PCCA: variants seen among roughly 807,000 people sequenced by gnomAD.
PCCA encodes the protein propionyl-CoA carboxylase alpha chain, mitochondrial.
PCCA carries 74 observed loss-of-function variants against 101.3 expected under a neutral mutation model. That is an observed-to-expected ratio of 0.73 (90% CI 0.61 to 0.89). PCCA has a LOEUF of 0.89. Among genes scored for constraint, PCCA ranks in the 40% least tolerant of loss-of-function variants. The pLI, the probability that PCCA is intolerant of heterozygous loss-of-function variation, is 0.00. For synonymous variants in PCCA, 294 were observed against 313.6 expected, an observed-to-expected ratio of 0.94 and a Z score of 0.66; for missense variants, 891 against 907.0, an observed-to-expected ratio of 0.98 and a Z score of 0.23.
chr13:100,309,758 T>G (rs1476211358), intron 15 of PCCA, 75 bp from the exon 16 acceptor site: 12 of 988,710 alleles, frequency 1.2e-5, no homozygotes, highest in Non-Finnish European at 1.7e-5. Context: ...AATATTTTAA[T>G]TTTTACTAAA....
chr13:100,389,493 G>A (rs1263821537), intron 19 of PCCA, among the ~76,000 whole-genome samples: 1 of 152,080 alleles, frequency 6.6e-6, no homozygotes, highest in Non-Finnish European at 1.5e-5. Context: ...AAAGGGTGGA[G>A]GGAGAAGATC....
At chr13:100,170,295 G>A (rs181723505) in intron 6 of PCCA, among the ~76,000 whole-genome samples, 10 of 152,270 alleles carry the variant, frequency 6.6e-5, no homozygotes, top group East Asian at 5.8e-4. Context: ...TACATTGCTC[G>A]AGGATTTTTT....
In PCCA at chr13:100,524,786, C is replaced by T. The variant is rs185876259; in HGVS notation, c.2041-2889C>T. Among the ~76,000 whole-genome samples the T allele has an allele frequency of 1.8e-4, 27 of 152,194 alleles. No individual in the cohort carries two copies. In the East Asian group the frequency reaches 2.9e-3, roughly 16 times the overall value. On this transcript the variant is annotated intron_variant, in intron 22 of 23. Transcript: ENST00000376285. ...ACTCAGGAGGCTGAGGCAGAAGAAT[C>T]GCTTGAACTTGGGAGGTAGAGGTTG...
At chr13:100,102,994 T>C (rs2047413591) in intron 2 of PCCA, 34 bp downstream of exon 2, 2 of 1,352,250 alleles carry the variant, frequency 1.5e-6, no homozygotes, top group Non-Finnish European at 2.1e-6. Context: ...AACAACTAAA[T>C]TAAACTTATC....
At chr13:100,402,800 T>G (rs553695232) in intron 19 of PCCA, among the ~76,000 whole-genome samples, 43 of 152,218 alleles carry the variant, frequency 2.8e-4, no homozygotes, top group African/African-American at 1.0e-3. Flanking sequence ...AGAATAGGTG[T>G]CAGGTCATGG....
intron 6 of PCCA, among the ~76,000 whole-genome samples, chr13:100,201,180 T>C (rs1337909579): frequency 6.6e-6 from 1 of 152,226 alleles, no homozygotes; most frequent in Admixed American, 6.5e-5. Flanking sequence ...ATGTGGCTGT[T>C]ATCTATAAGG....
chr13:100,102,923 G>A lies in PCCA; in HGVS notation c.146G>A (p.Arg49His), dbSNP rs570674073. 1.6e-5 allele frequency: 25 copies of A among 1,611,066 alleles called. No homozygotes were observed. Among genetic ancestry groups the A allele is most frequent in the Admixed American group, 3.3e-5 (2 of 59,998 alleles). Residue 49 changes from arginine (R) to histidine (H), a missense_variant, in exon 2 of 24, where the codon CGT (arginine) becomes CAT (histidine). Arg to His is a conservative substitution (Grantham distance 29). Transcript: ENST00000376285. ...YYSRQCLMVS[R>H]NLGSVGYDPN... ...TCAAGACAGTGCTTAATGGTGTCCCGTAATCTTGGTTCAGTGGGATATGAT... is the reference window on the plus strand; with the variant it reads ...TCAAGACAGTGCTTAATGGTGTCCCATAATCTTGGTTCAGTGGGATATGAT...
chr13:100,097,928 G>A (rs2046923005), intron 1 of PCCA, among the ~76,000 whole-genome samples: 1 of 152,128 alleles, frequency 6.6e-6, no homozygotes, highest in Non-Finnish European at 1.5e-5. Context: ...GGAGGCTGAG[G>A]TGGGAGGATT....
intron 21 of PCCA, among the ~76,000 whole-genome samples, chr13:100,451,015 C>G (rs978059674): frequency 3.3e-5 from 5 of 152,168 alleles, no homozygotes; most frequent in African/African-American, 1.2e-4. Flanking sequence ...CTTGGCAAGA[C>G]TAAAATCTGC....
intron 18 of PCCA, among the ~76,000 whole-genome samples, chr13:100,357,644 T>A (rs1195074716): frequency 6.6e-6 from 1 of 152,244 alleles, no homozygotes; most frequent in Non-Finnish European, 1.5e-5. Context: ...AAAGCACAAC[T>A]ATTTGAAGGC....
chr13:100,171,425 T>C (rs577356092), intron 6 of PCCA, among the ~76,000 whole-genome samples: 1 of 152,292 alleles, frequency 6.6e-6, no homozygotes, highest in Admixed American at 6.5e-5. Flanking sequence ...GAGTGTGGCC[T>C]TTAAGCTGAG....
intron 7 of PCCA, among the ~76,000 whole-genome samples, chr13:100,217,455 A>G (rs2059583169): frequency 2.0e-5 from 3 of 152,070 alleles, no homozygotes; most frequent in African/African-American, 7.2e-5. Context: ...AAAAAAAAAA[A>G]ATTAAATAGA....
In PCCA at chr13:100,320,009, T is replaced by C. The variant is rs1473447941; in HGVS notation, c.1429+10101T>C. Reference sequence around the variant, plus strand: ...TTGTGTCTTTTATTTTGTTGAGCAGTGTTTTGTAGTTCTGTTTGAAGAGAT... The same window carrying C: ...TTGTGTCTTTTATTTTGTTGAGCAGCGTTTTGTAGTTCTGTTTGAAGAGAT... On this transcript the variant is annotated intron_variant, in intron 16 of 23. Coordinates refer to ENST00000376285, the MANE Select transcript of PCCA (RefSeq NM_000282.4). Among the ~76,000 whole-genome samples the C allele has an allele frequency of 2.6e-5, 4 of 152,214 alleles. No homozygotes were observed. In the East Asian group the frequency reaches 7.7e-4, roughly 29 times the overall value.
intron 4 of PCCA, among the ~76,000 whole-genome samples, chr13:100,128,198 T>G (rs183849627): frequency 6.6e-6 from 1 of 152,188 alleles, no homozygotes; most frequent in Non-Finnish European, 1.5e-5. Flanking sequence ...GTAGTGGAGC[T>G]GAGATTCAAA....
chr13:100,273,220 A>G lies in PCCA; in HGVS notation c.939A>G (p.Arg313=). Residue 313 remains arginine, a synonymous_variant, in exon 12 of 24, where the codon CGA becomes CGG. Transcript: ENST00000376285. ...APSIFLDAET[R]RAMGEQAVAL... The stretch of plus-strand genomic sequence containing the variant: ...GCATTTTTTTGGATGCGGAGACTCG[A>G]AGAGCGATGGGAGAACAAGCTGTAG... 6.2e-7 allele frequency: 1 copy of G among 1,613,452 alleles called. No homozygotes were observed. Among genetic ancestry groups the G allele is most frequent in the South Asian group, 1.1e-5 (1 of 91,054 alleles).
At chr13:100,165,950 T>C (rs1373295136) in intron 6 of PCCA, among the ~76,000 whole-genome samples, 3 of 152,184 alleles carry the variant, frequency 2.0e-5, no homozygotes, top group Non-Finnish European at 4.4e-5. Context: ...ATTTACAGCT[T>C]TTCCAAGAAA....
At chr13:100,418,381 A>G (rs2078519882) in intron 19 of PCCA, among the ~76,000 whole-genome samples, 1 of 152,172 alleles carries the variant, frequency 6.6e-6, no homozygotes, top group African/African-American at 2.4e-5. Context: ...CCTTATCCTC[A>G]GTGATTCCTT....
At chr13:100,139,214 C>G (rs1222842302) in intron 4 of PCCA, among the ~76,000 whole-genome samples, 1 of 151,630 alleles carries the variant, frequency 6.6e-6, no homozygotes, top group Non-Finnish European at 1.5e-5. Flanking sequence ...TTTCTGATTT[C>G]TTTTTGTTAC....
At chr13:100,204,903 C>T (rs889668525) in intron 6 of PCCA, among the ~76,000 whole-genome samples, 4 of 152,112 alleles carry the variant, frequency 2.6e-5, no homozygotes, top group African/African-American at 9.7e-5. Flanking sequence ...AAGAGATACT[C>T]CTGGCTCAGC....
Sources: gnomAD v4.1 joint callset for allele counts (sites outside exome capture counted in the v4.1 genomes callset) on GRCh38, gnomAD v4.1.1 for gene constraint, MANE v1.5 for transcripts, NCBI Gene and HGNC (gene_info 2026-07-23, HGNC 2026-07-21) for gene names.